Variants in SLC39A11 observed in about 807,000 individuals in gnomAD.
SLC39A11 encodes the protein solute carrier family 39 member 11.
Under a neutral mutation model 36.1 loss-of-function variants are expected in SLC39A11, and 33 were observed. The observed-to-expected ratio is 0.91, with a 90% CI of 0.69 to 1.22. The LOEUF (loss-of-function observed/expected upper bound fraction) is 1.22, where lower values mean the gene tolerates loss of function less well. Among genes scored for constraint, SLC39A11 ranks in the 50% most tolerant of loss-of-function variants. The probability of loss-of-function intolerance (pLI) is 0.00; values close to 1 mark genes in which losing one functional copy is unlikely to be tolerated. For missense variants in SLC39A11, 432 were observed against 430.3 expected, an observed-to-expected ratio of 1.00 and a Z score of -0.03; for synonymous variants, 166 against 170.3, an observed-to-expected ratio of 0.97 and a Z score of 0.20.
At chr17:72,661,690 C>G (rs866371343) in intron 7 of SLC39A11, among the ~76,000 whole-genome samples, 1 of 152,170 alleles carries the variant, frequency 6.6e-6, no homozygotes, top group Non-Finnish European at 1.5e-5. Context: ...CAGGGCTGCC[C>G]GGCCCTACCT....
chr17:72,960,631 A>C (rs112237851), intron 4 of SLC39A11, among the ~76,000 whole-genome samples: 92 of 151,854 alleles, frequency 6.1e-4, no homozygotes, highest in Non-Finnish European at 1.2e-3. Context: ...TCTACAAAAA[A>C]TAAAAGTAAA....
intron 6 of SLC39A11, among the ~76,000 whole-genome samples, chr17:72,764,756 A>G (rs1159388696): frequency 6.6e-6 from 1 of 152,172 alleles, no homozygotes; most frequent in Non-Finnish European, 1.5e-5. Context: ...ACACATCTGC[A>G]ATTTTGCAGC....
intron 7 of SLC39A11, among the ~76,000 whole-genome samples, chr17:72,684,204 C>G (rs2071636251): frequency 6.6e-6 from 1 of 152,102 alleles, no homozygotes; most frequent in Non-Finnish European, 1.5e-5. Context: ...TTCCCGTAAC[C>G]CACTCCCTTG....
chr17:72,786,605 A>C (rs2076524215), intron 6 of SLC39A11, among the ~76,000 whole-genome samples: 2 of 152,154 alleles, frequency 1.3e-5, no homozygotes, highest in East Asian at 3.9e-4. Flanking sequence ...ACTGAAGGAC[A>C]CTCAGGCTAT....
chr17:72,909,737 TTTTTTC>T (rs1331644747), intron 5 of SLC39A11, among the ~76,000 whole-genome samples: 5 of 99,076 alleles, frequency 5.0e-5, no homozygotes, highest in Admixed American at 1.9e-4. Context: ...TTTCTTTCTT[TTTTTTC>T]TTTTTTCTTT....
intron 6 of SLC39A11, among the ~76,000 whole-genome samples, chr17:72,813,448 T>C (rs964381780): frequency 1.3e-5 from 2 of 152,232 alleles, no homozygotes; most frequent in African/African-American, 4.8e-5. Context: ...TTCTGCTACC[T>C]TAGACTGTAC....
intron 3 of SLC39A11, among the ~76,000 whole-genome samples, chr17:73,065,724 G>A (rs1450262844): frequency 6.6e-6 from 1 of 152,162 alleles, no homozygotes; most frequent in Non-Finnish European, 1.5e-5. Context: ...CAACTGATCT[G>A]GGCCCACAAA....
At chr17:72,872,287 A>C (rs1391267785) in intron 5 of SLC39A11, among the ~76,000 whole-genome samples, 1 of 152,084 alleles carries the variant, frequency 6.6e-6, no homozygotes, top group Non-Finnish European at 1.5e-5. Flanking sequence ...ATCCTCACAC[A>C]TGGGAAACCC....
In SLC39A11 at chr17:72,853,812, G is replaced by A. The variant is rs74925524; in HGVS notation, c.431-4008C>T. 0.014 allele frequency among the ~76,000 whole-genome samples: 2,113 copies of A among 152,170 alleles called. 171 individuals are homozygous for A. The East Asian group carries it at 0.24, about 17-fold the overall frequency. ...GCAATGAATCTTCTTGCCGCTCCTGGTAAGGCTAGTTCAACCATCACACCC... is the reference window on the plus strand; with the variant it reads ...GCAATGAATCTTCTTGCCGCTCCTGATAAGGCTAGTTCAACCATCACACCC... On this transcript the variant is annotated intron_variant, in intron 5 of 9. Transcript: ENST00000255559.
Position 72,931,543 on chromosome 17 carries a change from A to T in SLC39A11, c.430+16209T>A, listed in dbSNP as rs558585832. On this transcript the variant is annotated intron_variant, in intron 5 of 9. Transcript: ENST00000255559. Reference sequence around the variant, plus strand: ...GCTGCCCCAAATTTTGTGTCACATGATCCCTTCCCAAATGCACCAGATAGA... The same window carrying T: ...GCTGCCCCAAATTTTGTGTCACATGTTCCCTTCCCAAATGCACCAGATAGA... 2.6e-4 allele frequency among the ~76,000 whole-genome samples: 40 copies of T among 152,244 alleles called. 1 individual carries two copies. In the South Asian group the frequency reaches 4.1e-3, roughly 16 times the overall value.
chr17:72,659,574 CTTTTTTTT>C (rs34383683), intron 7 of SLC39A11, among the ~76,000 whole-genome samples: 3,933 of 61,478 alleles, frequency 0.064, 185 homozygotes, highest in African/African-American at 0.22. Context: ...CTCTGTGACT[CTTTTTTTT>C]TTTTTTTTTT....
chr17:72,968,142 C>A (rs534602654), intron 4 of SLC39A11, among the ~76,000 whole-genome samples: 23 of 152,284 alleles, frequency 1.5e-4, no homozygotes, highest in African/African-American at 2.2e-4. Flanking sequence ...GTTTTAGGAG[C>A]TGATGCATGT....
intron 4 of SLC39A11, among the ~76,000 whole-genome samples, chr17:72,955,514 G>A (rs915887657): frequency 3.6e-5 from 5 of 138,790 alleles, no homozygotes; most frequent in Non-Finnish European, 7.7e-5. Context: ...TCACCATGTT[G>A]GCCAGGCTGG....
At chr17:72,744,974 T>A (rs2074868317) in intron 6 of SLC39A11, among the ~76,000 whole-genome samples, 1 of 152,226 alleles carries the variant, frequency 6.6e-6, no homozygotes, top group African/African-American at 2.4e-5. Flanking sequence ...CCTGAGTAGC[T>A]GGGATTACAG....
intron 7 of SLC39A11, among the ~76,000 whole-genome samples, chr17:72,705,628 G>A (rs1449115890): frequency 6.6e-6 from 1 of 152,180 alleles, no homozygotes; most frequent in East Asian, 1.9e-4. Flanking sequence ...CTCGATGGCG[G>A]AGGTTGGATT....
Position 73,027,184 on chromosome 17 carries a change from C to T in SLC39A11, c.306+4372G>A, listed in dbSNP as rs144263288. Among the ~76,000 whole-genome samples, 342 of 152,304 alleles carry T rather than the reference C, an allele frequency of 2.2e-3. 5 individuals carry two copies. Among genetic ancestry groups the T allele is most frequent in the Non-Finnish European group, 1.8e-3 (123 of 68,024 alleles). On this transcript the variant is annotated intron_variant, in intron 4 of 9. Coordinates refer to ENST00000255559, the MANE Select transcript of SLC39A11 (RefSeq NM_139177.4). Reference sequence around the variant, plus strand: ...CACATACTGCTATACCTTAACTTCACATAGAAGCACAACTGCAAAATCAGA... The same window carrying T: ...CACATACTGCTATACCTTAACTTCATATAGAAGCACAACTGCAAAATCAGA...
intron 4 of SLC39A11, among the ~76,000 whole-genome samples, chr17:72,999,090 C>T (rs1421202673): frequency 2.0e-5 from 3 of 152,166 alleles, no homozygotes; most frequent in Non-Finnish European, 1.5e-5. Flanking sequence ...GACGTAAGCA[C>T]GGCCCTACAT....
intron 3 of SLC39A11, among the ~76,000 whole-genome samples, chr17:73,046,594 C>G (rs1362318640): frequency 1.3e-5 from 2 of 152,102 alleles, no homozygotes; most frequent in Admixed American, 1.3e-4. Context: ...GCTATACTAC[C>G]CCCACCAGTA....
At chr17:72,648,994 G>A in intron 8 of SLC39A11, 33 bp from the exon 9 acceptor site, 1 of 1,594,818 alleles carries the variant, frequency 6.3e-7, no homozygotes, top group Non-Finnish European at 8.5e-7. Context: ...TACCACCGCA[G>A]GGGGAGGCAA....
Sources: gnomAD v4.1 joint callset for allele counts (sites outside exome capture counted in the v4.1 genomes callset) on GRCh38, gnomAD v4.1.1 for gene constraint, MANE v1.5 for transcripts, NCBI Gene and HGNC (gene_info 2026-07-23, HGNC 2026-07-21) for gene names.